CEP295NL: variants seen among roughly 807,000 people sequenced by gnomAD.
CEP295NL encodes the protein CEP295 N-terminal like.
Under a neutral mutation model 4.6 loss-of-function variants are expected in CEP295NL, and 3 were observed. The ratio of observed to expected loss-of-function variants is 0.65; its 90% CI spans 0.30 to 1.69. The LOEUF (loss-of-function observed/expected upper bound fraction) is 1.69. CEP295NL is among the 40% of genes most tolerant of loss of function. The pLI is 0.10. For missense variants in CEP295NL, 719 were observed against 769.0 expected (o/e 0.93, Z 0.77); for synonymous variants, 295 against 312.2 (o/e 0.94, Z 0.58).
rs557294192 is a variant in CEP295NL, at chr17:78,893,745, C to T, written c.45-1286G>A. On this transcript the variant is annotated intron_variant, in intron 2 of 2. Transcript: ENST00000322630. ...GAGAAGCTGGTGTTAGCTCTCTCTT[C>T]ATGACTCCCAGCTCTTTCCTTTTAT... Among the ~76,000 whole-genome samples the T allele has an allele frequency of 2.6e-5, 4 of 152,188 alleles. No homozygotes were observed. The East Asian group carries it at 5.8e-4, about 22-fold the overall frequency.
In CEP295NL at chr17:78,901,839, C is replaced by T. The variant is rs1408132487; in HGVS notation, c.-11G>A. On this transcript the variant is annotated 5_prime_UTR_variant, in exon 2 of 3. Transcript: ENST00000322630. ...CCACCCAGAACACATTACAGGGAGGCAGAAGCTGACAGGAGGGCAGGAAGC... is the reference window on the plus strand; with the variant it reads ...CCACCCAGAACACATTACAGGGAGGTAGAAGCTGACAGGAGGGCAGGAAGC... 1 of 708,414 alleles carries T rather than the reference C, an allele frequency of 1.4e-6. No individual in the cohort carries two copies. The highest frequency in any genetic ancestry group is 2.6e-6 in the Non-Finnish European group (1 of 379,532). The allele number at this position is 708,414 out of a possible 1,614,324, so 43.9% of individuals were successfully genotyped here. A position where few individuals can be genotyped will look rare whatever the true frequency, so the allele number is the denominator to read the frequency against.
chr17:78,894,517 TG>T (rs904683525), intron 2 of CEP295NL, among the ~76,000 whole-genome samples: 14 of 152,162 alleles, frequency 9.2e-5, no homozygotes, highest in African/African-American at 3.4e-4. Context: ...TTGAGATTTT[TG>T]ACAAAGGTGC....
rs548027692 is a variant in CEP295NL, at chr17:78,893,244, T to C, written c.45-785A>G. ...GCAGGGGTGTGTGTGCATGTGTGTG[T>C]AGGAGTGTGTGTGCAGGGGTGTGTG... On this transcript the variant is annotated intron_variant, in intron 2 of 2. Coordinates refer to ENST00000322630, the MANE Select transcript of CEP295NL (RefSeq NM_001243540.2). Among the ~76,000 whole-genome samples the C allele has an allele frequency of 1.6e-3, 224 of 140,312 alleles. 1 individual carries two copies. Among genetic ancestry groups the C allele is most frequent in the African/African-American group, 5.9e-3 (211 of 35,808 alleles). 92.1% of individuals were successfully genotyped at this position (140,312 alleles called of 152,430 possible). A position where few individuals can be genotyped will look rare whatever the true frequency, so the allele number is the denominator to read the frequency against.
chr17:78,893,154 T>C (rs920075078), intron 2 of CEP295NL, among the ~76,000 whole-genome samples: 27 of 144,928 alleles, frequency 1.9e-4, no homozygotes, highest in African/African-American at 6.8e-4. Flanking sequence ...TACATGTGTG[T>C]GCAGGGGTGT....
intron 2 of CEP295NL, 120 bp downstream of exon 2, chr17:78,901,665 T>C: frequency 1.4e-6 from 1 of 711,182 alleles, no homozygotes; most frequent in Non-Finnish European, 2.6e-6. Flanking sequence ...TCACTCTGGG[T>C]GCCTCAGTTT....
intron 2 of CEP295NL, chr17:78,899,495 C>T (rs2070056113): frequency 6.6e-6 from 1 of 152,232 alleles, no homozygotes; most frequent in Non-Finnish European, 1.5e-5. Context: ...CCTGACAGAT[C>T]CTATCCCAGC....
chr17:78,893,343 G>T (rs2069941695), intron 2 of CEP295NL, among the ~76,000 whole-genome samples: 1 of 148,172 alleles, frequency 6.7e-6, no homozygotes, highest in African/African-American at 2.5e-5. Context: ...ATGCATGTGT[G>T]TGCAGGGGTG....
intron 2 of CEP295NL, chr17:78,899,934 G>T (rs927301279): frequency 2.0e-5 from 3 of 152,184 alleles, no homozygotes; most frequent in African/African-American, 4.8e-5. Context: ...CCGTTAGCTG[G>T]CATCGGCCAG....
intron 2 of CEP295NL, among the ~76,000 whole-genome samples, chr17:78,893,956 C>G (rs1599163469): frequency 6.6e-6 from 1 of 152,168 alleles, no homozygotes; most frequent in African/African-American, 2.4e-5. Flanking sequence ...GGGACAGCCA[C>G]AGTCGATATG....
intron 2 of CEP295NL, among the ~76,000 whole-genome samples, chr17:78,892,832 G>C (rs1309857891): frequency 6.6e-6 from 1 of 152,212 alleles, no homozygotes; most frequent in Non-Finnish European, 1.5e-5. Context: ...GCCCAAGACA[G>C]TGAATAACCT....
At chr17:78,895,691 T>A (rs2069988057) in intron 2 of CEP295NL, among the ~76,000 whole-genome samples, 1 of 152,200 alleles carries the variant, frequency 6.6e-6, no homozygotes, top group African/African-American at 2.4e-5. Context: ...AGAGGTTGAA[T>A]AACTTTCCCA....
chr17:78,894,196 C>CA (rs1199806793), intron 2 of CEP295NL, among the ~76,000 whole-genome samples: 1 of 151,856 alleles, frequency 6.6e-6, no homozygotes, highest in South Asian at 2.1e-4. Context: ...AGCTCCTACC[C>CA]CCCCCGGTTC....
chr17:78,897,860 G>A lies in CEP295NL; in HGVS notation c.44+3925C>T, dbSNP rs576740024. On this transcript the variant is annotated intron_variant, in intron 2 of 2. Coordinates refer to ENST00000322630, the MANE Select transcript of CEP295NL (RefSeq NM_001243540.2). ...AGGGTGACTGTGAAAGGAGCCAGCG[G>A]GGCTGCTGTGTCGGTTTTCCTGGAG... 1.1e-3 allele frequency: 172 copies of A among 152,350 alleles called. 1 individual carries two copies. The highest frequency in any genetic ancestry group is 4.0e-3 in the African/African-American group (165 of 41,572). 9.4% of individuals were successfully genotyped at this position (152,350 alleles called of 1,614,324 possible).
chr17:78,898,742 C>T (rs2070041777), intron 2 of CEP295NL: 1 of 152,050 alleles, frequency 6.6e-6, no homozygotes, highest in Non-Finnish European at 1.5e-5. Context: ...TTTTTCTTTT[C>T]TTTTTTCTTT....
At position 78,890,675 on chromosome 17, in the gene CEP295NL, G is replaced by T; in HGVS notation, c.1829C>A (p.Ala610Asp). The change falls in exon 3 of 3, where the codon GCC becomes GAC. Residue 610 changes from alanine to aspartate, a missense_variant. Coordinates refer to ENST00000322630, the MANE Select transcript of CEP295NL (RefSeq NM_001243540.2). ...NRLHKQFLEEARKCLREFQNI... is the reference protein window; with the variant it reads ...NRLHKQFLEEDRKCLREFQNI... ...CTGAAACTCCCGCAAGCATTTCCGGGCTTCTTCAAGAAACTGCTTGTGCAA... is the reference window on the plus strand; with the variant it reads ...CTGAAACTCCCGCAAGCATTTCCGGTCTTCTTCAAGAAACTGCTTGTGCAA... The T allele has an allele frequency of 6.4e-7, 1 of 1,550,452 alleles. No individual in the cohort carries two copies. The highest frequency in any genetic ancestry group is 8.7e-7 in the Non-Finnish European group (1 of 1,146,890).
At position 78,890,666 on chromosome 17, in the gene CEP295NL, C is replaced by T; in HGVS notation, c.1838G>A (p.Cys613Tyr). 6.4e-7 allele frequency: 1 copy of T among 1,550,448 alleles called. No individual in the cohort carries two copies. Among genetic ancestry groups the T allele is most frequent in the South Asian group, 1.2e-5 (1 of 84,070 alleles). ...GCATATGTTCTGAAACTCCCGCAAG[C>T]ATTTCCGGGCTTCTTCAAGAAACTG... ...HKQFLEEARK[C>Y]LREFQNIC is the part of the protein sequence containing the mutation. Residue 613 changes from cysteine to tyrosine, a missense_variant, in exon 3 of 3, where the codon TGC (cysteine) becomes TAC (tyrosine). By Grantham distance (194) the Cys-to-Tyr change is radical. Transcript: ENST00000322630.
chr17:78,902,092 G>A (rs1379400252), intron 1 of CEP295NL, among the ~76,000 whole-genome samples, 166 bp from the exon 2 acceptor site: 2 of 152,178 alleles, frequency 1.3e-5, no homozygotes, highest in Non-Finnish European at 2.9e-5. Context: ...TCCCAGTGGT[G>A]GCGGGGGGAC....
rs537866324 is a variant in CEP295NL at position 78,899,496 on chromosome 17, C to T, written c.44+2289G>A. ...TCCTGGGCCTCACCCCTGACAGATC[C>T]TATCCCAGCCCCTGCGGGAGGGGCC... On this transcript the variant is annotated intron_variant, in intron 2 of 2. Coordinates refer to ENST00000322630, the MANE Select transcript of CEP295NL (RefSeq NM_001243540.2). The T allele has an allele frequency of 2.0e-5, 3 of 152,364 alleles. No individual in the cohort carries two copies. In the South Asian group the frequency reaches 6.2e-4, roughly 32 times the overall value. 9.4% of individuals were successfully genotyped at this position (152,364 alleles called of 1,614,324 possible). A position where few individuals can be genotyped will look rare whatever the true frequency, so the allele number is the denominator to read the frequency against.
In CEP295NL at chr17:78,901,900, A is replaced by C; in HGVS notation, c.-72T>G. 1.6e-6 allele frequency: 1 copy of C among 637,056 alleles called. No individual in the cohort carries two copies. Among genetic ancestry groups the C allele is most frequent in the South Asian group, 1.7e-5 (1 of 57,210 alleles). 39.5% of individuals were successfully genotyped at this position (637,056 alleles called of 1,614,324 possible). The stretch of plus-strand genomic sequence containing the variant: ...GGGCTGTCTTGAAATCACTGGGCTG[A>C]CTTTGTAGGTAGTGAGACGCCCATC... On this transcript the variant is annotated 5_prime_UTR_variant, in exon 2 of 3. Coordinates refer to ENST00000322630, the MANE Select transcript of CEP295NL (RefSeq NM_001243540.2).
Sources: gnomAD v4.1 joint callset for allele counts (sites outside exome capture counted in the v4.1 genomes callset) on GRCh38, gnomAD v4.1.1 for gene constraint, MANE v1.5 for transcripts, NCBI Gene and HGNC (gene_info 2026-07-23, HGNC 2026-07-21) for gene names.